WBP2NL: variants seen among roughly 807,000 people sequenced by gnomAD.
The protein encoded by WBP2NL is WBP2 N-terminal like.
Under a neutral mutation model 23.3 loss-of-function variants are expected in WBP2NL, and 27 were observed. The ratio of observed to expected loss-of-function variants is 1.16; its 90% CI spans 0.85 to 1.60. The LOEUF (loss-of-function observed/expected upper bound fraction) is 1.60. Among genes scored for constraint, WBP2NL ranks in the 40% most tolerant of loss-of-function variants. The pLI is 0.00. For missense variants in WBP2NL, 370 were observed against 389.5 expected (o/e 0.95, Z 0.42); for synonymous variants, 151 against 145.9 (o/e 1.03, Z -0.25).
chr22:42,005,106 A>G (rs1235982319), intron 1 of WBP2NL, among the ~76,000 whole-genome samples: 1 of 151,834 alleles, frequency 6.6e-6, no homozygotes, highest in Non-Finnish European at 1.5e-5. Flanking sequence ...AATCCCGGCT[A>G]CTCAGGAGGC....
At chr22:42,037,289 C>G (rs977755942), downstream of WBP2NL, among the ~76,000 whole-genome samples, 1 of 152,040 alleles carries the variant, frequency 6.6e-6, no homozygotes, top group African/African-American at 2.4e-5. Context: ...GTTCTCTGTT[C>G]TGTTCCATTT....
At chr22:42,039,127 A>G (rs1250576521) in intron 8 of WBP2NL, among the ~76,000 whole-genome samples, 2 of 150,516 alleles carry the variant, frequency 1.3e-5, no homozygotes, top group Non-Finnish European at 3.0e-5. Context: ...GGTGGAGTGC[A>G]GTGGCACTGT....
chr22:42,021,499 C>T (rs191937458), intron 4 of WBP2NL, among the ~76,000 whole-genome samples: 5 of 152,286 alleles, frequency 3.3e-5, no homozygotes, highest in Admixed American at 3.3e-4. Context: ...GACAAGATTA[C>T]CCTAGATTAT....
intron 1 of WBP2NL, among the ~76,000 whole-genome samples, chr22:42,014,279 G>A (rs1923107154): frequency 6.6e-6 from 1 of 152,078 alleles, no homozygotes; most frequent in South Asian, 2.1e-4. Context: ...AGGCTGGAGT[G>A]CAGTGGTACA....
intron 8 of WBP2NL, among the ~76,000 whole-genome samples, chr22:42,058,090 G>A (rs1010608333): frequency 6.7e-6 from 1 of 149,098 alleles, no homozygotes; most frequent in South Asian, 2.1e-4. Flanking sequence ...CTAATTTTTT[G>A]TATTTTTAAT....
chr22:42,013,469 T>G (rs1369232140), intron 1 of WBP2NL, among the ~76,000 whole-genome samples: 1 of 152,206 alleles, frequency 6.6e-6, no homozygotes, highest in East Asian at 1.9e-4. Flanking sequence ...GTCACTTATC[T>G]TGTTAATTTC....
At chr22:42,047,055 T>C (rs1248835055) in intron 8 of WBP2NL, among the ~76,000 whole-genome samples, 3 of 152,012 alleles carry the variant, frequency 2.0e-5, no homozygotes, top group Non-Finnish European at 4.4e-5. Context: ...AACTTCTCAG[T>C]GTCATCCATT....
At chr22:42,022,574 C>G (rs2146793577) in intron 5 of WBP2NL, among the ~76,000 whole-genome samples, 1 of 152,338 alleles carries the variant, frequency 6.6e-6, no homozygotes, top group South Asian at 2.1e-4. Flanking sequence ...ATGATATATA[C>G]AAACCTGGAA....
downstream of WBP2NL, chr22:42,032,814 A>G (rs1440796191): frequency 1.7e-5 from 7 of 412,774 alleles, no homozygotes; most frequent in East Asian, 5.9e-4. Context: ...GGGTCTATAC[A>G]GATGTGACCA....
Position 42,027,180 on chromosome 22 carries a change from A to G in WBP2NL, c.929A>G (p.Ter310=), listed in dbSNP as rs1924594465. 2 of 1,606,004 alleles carry G rather than the reference A, an allele frequency of 1.2e-6. No homozygotes were observed. Among genetic ancestry groups the G allele is most frequent in the Non-Finnish European group, 1.7e-6 (2 of 1,176,656 alleles). Residue 310 remains the stop codon, a stop_retained_variant, in exon 6 of 6, where the codon TAA becomes TGA. Coordinates refer to ENST00000328823, the MANE Select transcript of WBP2NL (RefSeq NM_152613.3). ...GCCTCCTCTTCTCAGGTCCATTCTT[A>G]ACCTTCTAAGATGTAAACCTTGAAG... ...PSASSSQVHS[*]
downstream of WBP2NL, chr22:42,029,822 C>T (rs1924821233): frequency 6.6e-6 from 1 of 152,202 alleles, no homozygotes; most frequent in Admixed American, 6.5e-5. Context: ...AACGTATTTT[C>T]TCAGTCCCTC....
chr22:42,026,115 CA>C, intron 5 of WBP2NL, among the ~76,000 whole-genome samples: 1 of 151,476 alleles, frequency 6.6e-6, no homozygotes, highest in East Asian at 1.9e-4. Context: ...ACTAAAAATA[CA>C]AAAAAATTAG....
chr22:42,002,922 G>C (rs572889464), intron 1 of WBP2NL: 1 of 152,254 alleles, frequency 6.6e-6, no homozygotes, highest in South Asian at 2.1e-4. Context: ...AGGATCACTT[G>C]AGGCCAGGAG....
intron 8 of WBP2NL, among the ~76,000 whole-genome samples, chr22:42,046,748 G>A (rs1443877065): frequency 6.6e-6 from 1 of 152,108 alleles, no homozygotes; most frequent in Non-Finnish European, 1.5e-5. Context: ...TTAGGAAGGA[G>A]GTAATTGTTT....
chr22:42,023,641 G>A (rs1390148542), intron 5 of WBP2NL, among the ~76,000 whole-genome samples: 6 of 150,816 alleles, frequency 4.0e-5, no homozygotes, highest in East Asian at 3.9e-4. Flanking sequence ...ACCGGCGCCC[G>A]CCACCACGCC....
At chr22:42,048,840 T>C (rs960025874) in intron 8 of WBP2NL, among the ~76,000 whole-genome samples, 18 of 151,846 alleles carry the variant, frequency 1.2e-4, no homozygotes, top group African/African-American at 3.9e-4. Flanking sequence ...TAAAAAACAT[T>C]GTCCAAAAAC....
At chr22:42,057,809 G>A (rs1212318618) in intron 8 of WBP2NL, among the ~76,000 whole-genome samples, 23 of 112,198 alleles carry the variant, frequency 2.0e-4, no homozygotes, top group Admixed American at 2.2e-4. Context: ...TTTTAGATAG[G>A]AAAATTGTAT....
intron 8 of WBP2NL, among the ~76,000 whole-genome samples, chr22:42,054,855 G>A (rs867401639): frequency 1.1e-4 from 16 of 151,898 alleles, no homozygotes; most frequent in Non-Finnish European, 1.9e-4. Context: ...ACTAGTACAC[G>A]CCAGCCTGGG....
At chr22:42,047,449 GTGT>G (rs1401037481) in intron 8 of WBP2NL, among the ~76,000 whole-genome samples, 1 of 151,200 alleles carries the variant, frequency 6.6e-6, no homozygotes, top group African/African-American at 2.4e-5. Context: ...AATTAGCCTG[GTGT>G]TGTGTCGGGT....
Sources: allele counts gnomAD v4.1 joint callset (sites outside exome capture counted in the v4.1 genomes callset), GRCh38; gene constraint gnomAD v4.1.1; transcripts MANE v1.5; gene names NCBI Gene and HGNC (gene_info 2026-07-23, HGNC 2026-07-21).